The following PTBP2 variants were observed in gnomAD, a reference collection of about 807,000 sequenced individuals.
PTBP2 encodes the protein polypyrimidine tract binding protein 2.
Under a neutral mutation model 61.4 loss-of-function variants are expected in PTBP2, and 13 were observed. The observed-to-expected ratio is 0.21, with a 90% CI of 0.14 to 0.34. The LOEUF is 0.34. PTBP2 is among the 10% of genes least tolerant of loss of function. The pLI is 1.00. For missense variants in PTBP2, 405 were observed against 642.6 expected (o/e 0.63, Z 4.00); for synonymous variants, 215 against 218.5 (o/e 0.98, Z 0.14).
intron 8 of PTBP2, among the ~76,000 whole-genome samples, chr1:96,796,797 G>T (rs1379632190): frequency 6.6e-6 from 1 of 152,056 alleles, no homozygotes; most frequent in Non-Finnish European, 1.5e-5. Flanking sequence ...AGTCAAGGGA[G>T]AATAGAAAGG....
chr1:96,749,202 GCTTTT>G (rs772495451), intron 2 of PTBP2, among the ~76,000 whole-genome samples: 44,147 of 151,820 alleles, frequency 0.29, 7,094 homozygotes, highest in South Asian at 0.44. Context: ...TTAGAGGCTT[GCTTTT>G]CTACTTGAGT....
intron 2 of PTBP2, chr1:96,749,677 A>C (rs999259951): frequency 7.2e-5 from 33 of 455,868 alleles, no homozygotes; most frequent in Non-Finnish European, 1.4e-4. Flanking sequence ...AATATGTAAC[A>C]GTTAATAACG....
chr1:96,798,333 G>T (rs1660603614), intron 8 of PTBP2, among the ~76,000 whole-genome samples: 1 of 152,028 alleles, frequency 6.6e-6, no homozygotes, highest in African/African-American at 2.4e-5. Flanking sequence ...TTGAACCCAG[G>T]AGGTGGAGGT....
intron 11 of PTBP2, among the ~76,000 whole-genome samples, chr1:96,808,016 A>G (rs1399429620): frequency 6.6e-6 from 1 of 152,152 alleles, no homozygotes; most frequent in East Asian, 1.9e-4. Flanking sequence ...ACAGTACTTC[A>G]TAATAGGAGT....
chr1:96,799,830 A>C (rs1457717822), intron 8 of PTBP2, among the ~76,000 whole-genome samples: 1 of 152,182 alleles, frequency 6.6e-6, no homozygotes, highest in Non-Finnish European at 1.5e-5. Flanking sequence ...GTAGGTTTTT[A>C]TATTTTTATT....
intron 8 of PTBP2, among the ~76,000 whole-genome samples, chr1:96,796,892 A>T (rs144350060): frequency 6.6e-6 from 1 of 152,174 alleles, no homozygotes; most frequent in Non-Finnish European, 1.5e-5. Context: ...GAAAGGAGAT[A>T]TAAGTGTTGA....
chr1:96,745,432 G>A (rs971055358), intron 2 of PTBP2, among the ~76,000 whole-genome samples: 2 of 152,130 alleles, frequency 1.3e-5, no homozygotes, highest in Non-Finnish European at 2.9e-5. Context: ...AAAGTGCTGG[G>A]ATTATAGGTG....
At chr1:96,823,594 G>T (rs902163268) in exon 14 of PTBP2, 1 of 152,058 alleles carries the variant, frequency 6.6e-6, no homozygotes, top group East Asian at 1.9e-4. Context: ...AGAATTATAC[G>T]TGCAATATAT....
Position 96,744,173 on chromosome 1 carries a change from G to T in PTBP2, c.40-7252G>T, listed in dbSNP as rs559946283. 2.0e-5 allele frequency among the ~76,000 whole-genome samples: 3 copies of T among 152,188 alleles called. No individual in the cohort carries two copies. In the South Asian group the frequency reaches 6.2e-4, roughly 32 times the overall value. On this transcript the variant is annotated intron_variant, in intron 2 of 13. Coordinates refer to ENST00000674951, the MANE Select transcript of PTBP2 (RefSeq NM_021190.4). The stretch of plus-strand genomic sequence containing the variant: ...CGGGAGACAGAGGTTGCAGCGAGCC[G>T]AGATTGCGCCACTGCACTCCAGCCT...
At chr1:96,764,485 A>G (rs551595485) in intron 3 of PTBP2, among the ~76,000 whole-genome samples, 1 of 152,266 alleles carries the variant, frequency 6.6e-6, no homozygotes, top group East Asian at 1.9e-4. Context: ...AGGTATACAT[A>G]TTTCTGCCAG....
Position 96,791,593 on chromosome 1 carries a change from TTTTGAAG to T in PTBP2, c.904+6340_904+6346del, listed in dbSNP as rs1437109523. ...AAAACGAAACCCCAGAGGAGAGGGG[TTTTGAAG>T]ATACATATATACTGGTTTCTAAGAA... On this transcript the variant is annotated intron_variant, in intron 8 of 13. Transcript: ENST00000674951. Among the ~76,000 whole-genome samples the T allele has an allele frequency of 3.2e-4, 49 of 151,676 alleles. 1 individual carries two copies. The East Asian group carries it at 4.9e-3, about 15-fold the overall frequency.
At chr1:96,721,926 T>G (rs1649616791) in intron 1 of PTBP2, 54 bp downstream of exon 1, 2 of 1,556,862 alleles carry the variant, frequency 1.3e-6, no homozygotes, top group African/African-American at 2.7e-5. Context: ...TGGACCGTCC[T>G]TCGGCCCGGT....
chr1:96,777,250 C>G (rs1414158598), intron 5 of PTBP2, among the ~76,000 whole-genome samples: 2 of 152,078 alleles, frequency 1.3e-5, no homozygotes, highest in African/African-American at 2.4e-5. Context: ...GTTGTATTCT[C>G]TAAATTTCTG....
At chr1:96,795,099 G>A (rs1218417625) in intron 8 of PTBP2, among the ~76,000 whole-genome samples, 16 of 152,148 alleles carry the variant, frequency 1.1e-4, no homozygotes, top group Non-Finnish European at 8.8e-5. Context: ...AGCGGGGGAT[G>A]AGTTAAGAAC....
At chr1:96,734,240 T>C (rs934480060) in intron 2 of PTBP2, among the ~76,000 whole-genome samples, 6 of 152,210 alleles carry the variant, frequency 3.9e-5, no homozygotes, top group Admixed American at 3.3e-4. Context: ...ATCCACACTC[T>C]GCTTTTCCAC....
intron 8 of PTBP2, among the ~76,000 whole-genome samples, chr1:96,792,031 G>A (rs2101107641): frequency 1.3e-5 from 2 of 151,868 alleles, no homozygotes; most frequent in East Asian, 3.9e-4. Flanking sequence ...TAGAGACGGG[G>A]TTTTACTGTG....
Position 96,777,625 on chromosome 1 carries a change from C to G in PTBP2, c.473C>G (p.Thr158Arg). ...AVLQAVTAVQ[T>R]ANTPLSGTTV... Reference sequence around the variant, plus strand: ...CTTCAAGCTGTGACAGCTGTCCAGACAGCAAATACTCCTCTTAGTGGCACC... The same window carrying G: ...CTTCAAGCTGTGACAGCTGTCCAGAGAGCAAATACTCCTCTTAGTGGCACC... The change falls in exon 6 of 14, where the codon ACA (threonine) becomes AGA (arginine). Residue 158 changes from threonine to arginine, a missense_variant. Coordinates refer to ENST00000674951, the MANE Select transcript of PTBP2 (RefSeq NM_021190.4). The G allele has an allele frequency of 6.2e-7, 1 of 1,613,312 alleles. No individual in the cohort carries two copies. The highest frequency in any genetic ancestry group is 2.2e-5 in the East Asian group (1 of 44,852).
intron 8 of PTBP2, among the ~76,000 whole-genome samples, chr1:96,800,810 CTAAT>C (rs1399215278): frequency 2.0e-5 from 3 of 150,760 alleles, no homozygotes; most frequent in Non-Finnish European, 4.4e-5. Flanking sequence ...TAATTATTAA[CTAAT>C]TACTTTAATT....
At chr1:96,771,717 A>AT (rs1161218453) in intron 5 of PTBP2, among the ~76,000 whole-genome samples, 6 of 151,976 alleles carry the variant, frequency 3.9e-5, no homozygotes, top group South Asian at 2.1e-4. Context: ...TTTTACTTAG[A>AT]TTTTTTTGCA....
Sources: gnomAD v4.1 joint callset for allele counts (sites outside exome capture counted in the v4.1 genomes callset) on GRCh38, gnomAD v4.1.1 for gene constraint, MANE v1.5 for transcripts, NCBI Gene and HGNC (gene_info 2026-07-23, HGNC 2026-07-21) for gene names.